The following NHEJ1 variants were observed in gnomAD, a reference collection of about 807,000 sequenced individuals.
NHEJ1 encodes the protein non-homologous end-joining factor 1.
In NHEJ1, 22 loss-of-function variants were observed where a neutral mutation model predicts 39.4. The observed-to-expected ratio is 0.56, with a 90% CI of 0.40 to 0.80. The LOEUF (loss-of-function observed/expected upper bound fraction) is 0.80, where lower values mean the gene tolerates loss of function less well. Among genes scored for constraint, NHEJ1 ranks in the 30% least tolerant of loss-of-function variants. The pLI is 0.00. For missense variants in NHEJ1, 329 were observed against 357.1 expected, an observed-to-expected ratio of 0.92 and a Z score of 0.63; for synonymous variants, 154 against 135.6, an observed-to-expected ratio of 1.14 and a Z score of -0.94.
In NHEJ1 at chr2:219,072,377, T is replaced by G. The variant is rs1002490097; in HGVS notation, c.*4004A>C. On this transcript the variant is annotated 3_prime_UTR_variant, in exon 8 of 8. Coordinates refer to ENST00000356853, the MANE Select transcript of NHEJ1 (RefSeq NM_024782.3). ...TGCTAGCCCATACATTTATGGATAT[T>G]AGTAACAGAGACGAGGAACCAAGGT... Among the ~76,000 whole-genome samples the G allele has an allele frequency of 6.6e-6, 1 of 152,178 alleles. No individual in the cohort carries two copies. Among genetic ancestry groups the G allele is most frequent in the African/African-American group, 2.4e-5 (1 of 41,446 alleles).
At chr2:219,152,462 CAAAA>C (rs1195542320) in intron 3 of NHEJ1, among the ~76,000 whole-genome samples, 1 of 151,636 alleles carries the variant, frequency 6.6e-6, no homozygotes, top group Non-Finnish European at 1.5e-5. Flanking sequence ...AACAAATAAA[CAAAA>C]AAGATCAAGA....
chr2:219,136,805 G>A (rs148129202), intron 5 of NHEJ1, among the ~76,000 whole-genome samples: 2,928 of 152,078 alleles, frequency 0.019, 101 homozygotes, highest in African/African-American at 0.067. Context: ...GTTTCGCCAT[G>A]TTGGCCAGGC....
intron 3 of NHEJ1, 61 bp downstream of exon 3, chr2:219,157,411 A>AG: frequency 6.9e-7 from 1 of 1,453,514 alleles, no homozygotes; most frequent in Non-Finnish European, 9.6e-7. Flanking sequence ...AAAAGCACCT[A>AG]AAGCTTCCTC....
At position 219,159,554 on chromosome 2, in the gene NHEJ1, T is replaced by TATATATGCATATATATGC. The variant is rs1553549828; in HGVS notation, c.-1+1165_-1+1166insGCATATATATGCATATAT. ...ATATATATGCATATATATATATGCA[T>TATATATGCATATATATGC]ATATATATGCATATATATATGCATA... On this transcript the variant is annotated intron_variant, in intron 1 of 7. Coordinates refer to ENST00000356853, the MANE Select transcript of NHEJ1 (RefSeq NM_024782.3). Among the ~76,000 whole-genome samples the TATATATGCATATATATGC allele has an allele frequency of 1.3e-3, 71 of 56,326 alleles. 5 individuals carry two copies. The Middle Eastern group carries it at 0.028, about 22-fold the overall frequency. The allele number at this position is 56,326 out of a possible 152,430, so 37.0% of individuals were successfully genotyped here. A position where few individuals can be genotyped will look rare whatever the true frequency, so the allele number is the denominator to read the frequency against.
chr2:219,090,822 A>G (rs1314940665), intron 5 of NHEJ1, among the ~76,000 whole-genome samples: 1 of 152,182 alleles, frequency 6.6e-6, no homozygotes, highest in Non-Finnish European at 1.5e-5. Flanking sequence ...GTGTCCCCCA[A>G]CCTCTTCAAG....
intron 5 of NHEJ1, among the ~76,000 whole-genome samples, chr2:219,133,459 A>C (rs1949597546): frequency 6.6e-6 from 1 of 152,272 alleles, no homozygotes; most frequent in Non-Finnish European, 1.5e-5. Flanking sequence ...GCCCTGAGAT[A>C]GAGTTAGAAG....
chr2:219,133,306 C>G (rs1949595900), intron 5 of NHEJ1, among the ~76,000 whole-genome samples: 1 of 152,178 alleles, frequency 6.6e-6, no homozygotes, highest in Non-Finnish European at 1.5e-5. Context: ...AGCCAACAGA[C>G]CAGGTAAAAC....
chr2:219,117,567 A>C (rs1019741543), intron 5 of NHEJ1, among the ~76,000 whole-genome samples: 22 of 152,260 alleles, frequency 1.4e-4, no homozygotes, highest in Admixed American at 1.4e-3. Context: ...GGTTCAGAGA[A>C]CCATGTGGAA....
chr2:219,139,072 G>A (rs1035400593), intron 5 of NHEJ1, among the ~76,000 whole-genome samples: 3 of 151,862 alleles, frequency 2.0e-5, no homozygotes, highest in Non-Finnish European at 2.9e-5. Flanking sequence ...TCTTGGTTTC[G>A]TTTCTCATTT....
At position 219,076,141 on chromosome 2, in the gene NHEJ1, C is replaced by T; in HGVS notation, c.*240G>A. On this transcript the variant is annotated 3_prime_UTR_variant, in exon 8 of 8. Transcript: ENST00000356853. ...CTAAAGTCCATGGTAGAAACCTGAA[C>T]CTACAGAACCTCCACCAAAAGAGAG... 1.2e-6 allele frequency: 1 copy of T among 810,348 alleles called. No homozygotes were observed. The highest frequency in any genetic ancestry group is 1.9e-6 in the Non-Finnish European group (1 of 529,870). The allele number at this position is 810,348 out of a possible 1,614,324, so 50.2% of individuals were successfully genotyped here.
intron 5 of NHEJ1, among the ~76,000 whole-genome samples, chr2:219,082,520 T>C (rs1295421088): frequency 6.6e-6 from 1 of 152,204 alleles, no homozygotes; most frequent in Non-Finnish European, 1.5e-5. Context: ...TCCTTTCCTC[T>C]GAGACTGTTT....
chr2:219,123,607 C>T (rs1034051145), intron 5 of NHEJ1, among the ~76,000 whole-genome samples: 1 of 152,214 alleles, frequency 6.6e-6, no homozygotes, highest in African/African-American at 2.4e-5. Context: ...GGTTAAGTAA[C>T]CCCATGCAGT....
In NHEJ1 at chr2:219,080,551, AT is replaced by A. The variant is rs1205378597; in HGVS notation, c.589-2346del. On this transcript the variant is annotated intron_variant, in intron 5 of 7. Coordinates refer to ENST00000356853, the MANE Select transcript of NHEJ1 (RefSeq NM_024782.3). Reference sequence around the variant, plus strand: ...AAAAAAAATAAATAAATAAATAAAAATATATATATATATATATGCTTTTATA... The same window carrying A: ...AAAAAAAATAAATAAATAAATAAAAAATATATATATATATATGCTTTTATA... Among the ~76,000 whole-genome samples, 43 of 111,724 alleles carry A rather than the reference AT, an allele frequency of 3.8e-4. 1 individual carries two copies. Among genetic ancestry groups the A allele is most frequent in the African/African-American group, 1.3e-3 (24 of 18,982 alleles). The allele number at this position is 111,724 out of a possible 152,430, so 73.3% of individuals were successfully genotyped here.
chr2:219,077,474 A>G (rs1949025384), intron 6 of NHEJ1, 110 bp from the exon 7 acceptor site: 2 of 879,432 alleles, frequency 2.3e-6, no homozygotes, highest in Admixed American at 1.8e-5. Flanking sequence ...GTACAAATAT[A>G]TAAGCAGACA....
At chr2:219,090,297 C>T (rs1949149072) in intron 5 of NHEJ1, among the ~76,000 whole-genome samples, 1 of 152,190 alleles carries the variant, frequency 6.6e-6, no homozygotes, top group African/African-American at 2.4e-5. Context: ...ACTTCATCTT[C>T]ATCTCTAAGC....
chr2:219,093,123 T>C (rs1297006640), intron 5 of NHEJ1, among the ~76,000 whole-genome samples: 1 of 152,160 alleles, frequency 6.6e-6, no homozygotes, highest in Admixed American at 6.5e-5. Flanking sequence ...CGGTTCAGGG[T>C]ACGTATACTC....
intron 3 of NHEJ1, among the ~76,000 whole-genome samples, chr2:219,151,694 G>C (rs1049412168): frequency 6.6e-6 from 1 of 152,060 alleles, no homozygotes; most frequent in African/African-American, 2.4e-5. Flanking sequence ...TGAGAGACTA[G>C]ATAAAATGTG....
intron 5 of NHEJ1, among the ~76,000 whole-genome samples, chr2:219,120,242 A>G (rs946250072): frequency 1.3e-5 from 2 of 152,160 alleles, no homozygotes; most frequent in Non-Finnish European, 2.9e-5. Context: ...AGCCCCTATT[A>G]TATGCCAGCC....
At chr2:219,125,124 A>AG (rs869032216) in intron 5 of NHEJ1, among the ~76,000 whole-genome samples, 1 of 14,668 alleles carries the variant, frequency 6.8e-5, no homozygotes, top group Non-Finnish European at 2.7e-4. Context: ...TTTGGAAATT[A>AG]AAAAAAAAAA....
Sources: allele counts gnomAD v4.1 joint callset (sites outside exome capture counted in the v4.1 genomes callset), GRCh38; gene constraint gnomAD v4.1.1; transcripts MANE v1.5; gene names NCBI Gene and HGNC (gene_info 2026-07-23, HGNC 2026-07-21).